Variants in TENM1 observed in about 807,000 individuals in gnomAD.
The protein encoded by TENM1 is teneurin-1.
In TENM1, 35 loss-of-function variants were observed where a neutral mutation model predicts 174.8. That is an observed-to-expected ratio of 0.20 (90% CI 0.15 to 0.27). The LOEUF is 0.27. Ranked by LOEUF, TENM1 falls within the 10% of genes least tolerant of loss-of-function variation. The probability of loss-of-function intolerance (pLI) is 1.00; values close to 1 mark genes in which losing one functional copy is unlikely to be tolerated. For missense variants in TENM1, 1,633 were observed against 2,130.1 expected, an observed-to-expected ratio of 0.77 and a Z score of 4.59; for synonymous variants, 781 against 798.7, an observed-to-expected ratio of 0.98 and a Z score of 0.37.
At chrX:125,202,015 A>G in the TENM1 span, among the ~76,000 whole-genome samples, 3 of 111,458 alleles carry the variant, frequency 2.7e-5, no homozygotes, top group Admixed American at 2.9e-4. Flanking sequence ...ATCATGGAGC[A>G]GAAGTTAAAG....
chrX:125,110,481 G>C, the TENM1 span, among the ~76,000 whole-genome samples: 1 of 110,763 alleles, frequency 9.0e-6, no homozygotes. Flanking sequence ...TTCCACTGGA[G>C]AGTCTGAAAT....
At chrX:125,143,583 T>C in the TENM1 span, among the ~76,000 whole-genome samples, 2 of 111,721 alleles carry the variant, frequency 1.8e-5, no homozygotes, top group African/African-American at 6.5e-5. Flanking sequence ...GCATAAGAGA[T>C]ATTAGAAATT....
the TENM1 span, among the ~76,000 whole-genome samples, chrX:125,137,650 T>C: frequency 9.0e-6 from 1 of 111,391 alleles, no homozygotes; most frequent in Non-Finnish European, 1.9e-5. Context: ...GATCTTTCCC[T>C]TCTAATATCA....
chrX:124,705,705 T>A (rs2052885910), intron 4 of TENM1, among the ~76,000 whole-genome samples: 1 of 112,125 alleles, frequency 8.9e-6, no homozygotes, highest in South Asian at 3.7e-4. Flanking sequence ...TCATTCAACA[T>A]TTTATTATAA....
chrX:124,495,430 T>C (rs1156479929), intron 20 of TENM1, among the ~76,000 whole-genome samples: 4 of 108,174 alleles, frequency 3.7e-5, no homozygotes, highest in African/African-American at 1.4e-4. Context: ...GTCAGATGAG[T>C]AGGTTGCGAA....
chrX:125,032,460 G>A, the TENM1 span, among the ~76,000 whole-genome samples: 1 of 110,955 alleles, frequency 9.0e-6, no homozygotes, highest in Non-Finnish European at 1.9e-5. Flanking sequence ...GTGAGCCACC[G>A]TGTCCAGCCA....
At chrX:125,200,654 T>TGAGAGA in the TENM1 span, among the ~76,000 whole-genome samples, 14,697 of 92,133 alleles carry the variant, frequency 0.16, 899 homozygotes, top group African/African-American at 0.2. Flanking sequence ...TGTGTGTGTG[T>TGAGAGA]GAGAGAGAGA....
chrX:124,723,621 T>TTTTGGG (rs2053376156), intron 4 of TENM1, among the ~76,000 whole-genome samples: 1 of 91,651 alleles, frequency 1.1e-5, no homozygotes. Flanking sequence ...TTTTTTTTTT[T>TTTTGGG]GACGGAGTCT....
chrX:124,850,485 C>A (rs977173173), intron 3 of TENM1, among the ~76,000 whole-genome samples: 1 of 111,067 alleles, frequency 9.0e-6, no homozygotes, highest in Non-Finnish European at 1.9e-5. Flanking sequence ...GAAGTAAACT[C>A]TACAAAACTA....
the TENM1 span, among the ~76,000 whole-genome samples, chrX:125,091,232 A>AAG: frequency 9.0e-6 from 1 of 111,468 alleles, no homozygotes; most frequent in African/African-American, 3.3e-5. Flanking sequence ...GAAAAAAAAA[A>AAG]GCTTGATAAC....
chrX:124,737,221 T>C (rs1179582578), intron 3 of TENM1, 24 bp from the exon 7 acceptor site: 1 of 1,157,599 alleles, frequency 8.6e-7, no homozygotes, highest in Non-Finnish European at 1.2e-6. Flanking sequence ...AAGAGAAACA[T>C]AAAATAGAGA....
chrX:124,975,957 C>T, the TENM1 span, among the ~76,000 whole-genome samples: 1 of 110,654 alleles, frequency 9.0e-6, no homozygotes, highest in Non-Finnish European at 1.9e-5. Flanking sequence ...GGGGAAATAC[C>T]TACTATCATT....
rs149508785 is a variant in TENM1, at chrX:124,438,554, C to T, written c.4104+14783G>A. On this transcript the variant is annotated intron_variant, in intron 23 of 31. Coordinates refer to ENST00000422452, the Ensembl canonical transcript of TENM1. Reference sequence around the variant, plus strand: ...GCTTAATAGTTTTAATAAGAGCTAACGTGCCATTGTCCTTTGTGTGGAAAG... The same window carrying T: ...GCTTAATAGTTTTAATAAGAGCTAATGTGCCATTGTCCTTTGTGTGGAAAG... 3.0e-3 allele frequency among the ~76,000 whole-genome samples: 334 copies of T among 111,616 alleles called. 2 individuals carry two copies. Among genetic ancestry groups the T allele is most frequent in the African/African-American group, 0.01 (308 of 30,733 alleles).
At chrX:124,801,614 T>C (rs1407032681) in intron 3 of TENM1, among the ~76,000 whole-genome samples, 1 of 112,223 alleles carries the variant, frequency 8.9e-6, no homozygotes, top group East Asian at 2.8e-4. Flanking sequence ...ATGTGTGAAT[T>C]TGATTCTGTC....
chrX:124,900,983 G>T (rs1188267283), intron 1 of TENM1, among the ~76,000 whole-genome samples: 1 of 109,776 alleles, frequency 9.1e-6, no homozygotes, highest in African/African-American at 3.3e-5. Context: ...GTAGAGACGG[G>T]GTTTCACCAT....
At chrX:124,889,241 T>C (rs1347026636) in intron 3 of TENM1, among the ~76,000 whole-genome samples, 1 of 111,338 alleles carries the variant, frequency 9.0e-6, no homozygotes, top group African/African-American at 3.3e-5. Flanking sequence ...AAGCAACATT[T>C]GTATTACTGA....
At chrX:125,039,212 G>C in the TENM1 span, among the ~76,000 whole-genome samples, 2 of 111,732 alleles carry the variant, frequency 1.8e-5, no homozygotes, top group South Asian at 7.3e-4. Flanking sequence ...GCTCTTATCA[G>C]TTTTATATTT....
intron 23 of TENM1, among the ~76,000 whole-genome samples, chrX:124,440,123 C>T (rs892674762): frequency 8.9e-6 from 1 of 112,047 alleles, no homozygotes; most frequent in Non-Finnish European, 1.9e-5. Flanking sequence ...TTTGGCTCTC[C>T]TTTGCCGTTC....
intron 3 of TENM1, among the ~76,000 whole-genome samples, chrX:124,775,029 C>T (rs1435112526): frequency 1.8e-5 from 2 of 110,724 alleles, no homozygotes; most frequent in Non-Finnish European, 3.8e-5. Flanking sequence ...AACACAGCAC[C>T]ATACATAAAG....
Sources: allele counts gnomAD v4.1 joint callset (sites outside exome capture counted in the v4.1 genomes callset), GRCh38; gene constraint gnomAD v4.1.1; transcripts MANE v1.5; gene names NCBI Gene and HGNC (gene_info 2026-07-23, HGNC 2026-07-21).